TNIK: variants seen among roughly 807,000 people sequenced by gnomAD.
The protein encoded by TNIK is TRAF2 and NCK-interacting protein kinase.
A neutral mutation model predicts 191.3 loss-of-function variants in TNIK; 49 were observed. The observed-to-expected ratio is 0.26, with a 90% confidence interval of 0.20 to 0.32. The LOEUF is 0.32. TNIK is among the 10% of genes least tolerant of loss of function. The pLI, the probability that TNIK is intolerant of heterozygous loss-of-function variation, is 1.00. For missense variants in TNIK, 1,155 were observed against 1,702.3 expected (o/e 0.68, Z 5.66); for synonymous variants, 594 against 600.9 (o/e 0.99, Z 0.17).
intron 2 of TNIK, among the ~76,000 whole-genome samples, chr3:171,324,826 C>T (rs1344717912): frequency 6.6e-6 from 1 of 152,050 alleles, no homozygotes. Context: ...GGGCCGGGCG[C>T]GGTGGCTCAC....
intron 1 of TNIK, among the ~76,000 whole-genome samples, chr3:171,418,572 TG>T (rs1723369075): frequency 6.6e-6 from 1 of 152,032 alleles, no homozygotes; most frequent in South Asian, 2.1e-4. Context: ...ACAATCTAAA[TG>T]AAAAAAGTCA....
intron 3 of TNIK, among the ~76,000 whole-genome samples, chr3:171,219,799 G>A (rs1412679971): frequency 6.6e-6 from 1 of 152,168 alleles, no homozygotes; most frequent in Non-Finnish European, 1.5e-5. Context: ...TGGTGGGAGT[G>A]TAAATTAGTT....
At chr3:171,152,137 T>C (rs1732512305) in intron 12 of TNIK, among the ~76,000 whole-genome samples, 3 of 151,902 alleles carry the variant, frequency 2.0e-5, no homozygotes, top group African/African-American at 4.8e-5. Flanking sequence ...AAAGACTAGC[T>C]GGGCGTGGTG....
intron 2 of TNIK, among the ~76,000 whole-genome samples, chr3:171,284,363 C>T (rs192671921): frequency 1.6e-4 from 24 of 152,264 alleles, no homozygotes; most frequent in Admixed American, 6.5e-5. Context: ...TGAAAAATGT[C>T]CTCTCACATG....
At chr3:171,381,591 T>C (rs1472079170) in intron 1 of TNIK, among the ~76,000 whole-genome samples, 1 of 152,204 alleles carries the variant, frequency 6.6e-6, no homozygotes, top group African/African-American at 2.4e-5. Context: ...CCACCCAATA[T>C]TCATTCTCCC....
chr3:171,187,853 C>G (rs1737555007), intron 7 of TNIK, among the ~76,000 whole-genome samples: 1 of 152,098 alleles, frequency 6.6e-6, no homozygotes, highest in African/African-American at 2.4e-5. Flanking sequence ...CAAGTTTTGC[C>G]CAAGTTGTCC....
intron 1 of TNIK, among the ~76,000 whole-genome samples, chr3:171,410,899 T>C (rs1722319093): frequency 6.6e-6 from 1 of 150,560 alleles, no homozygotes; most frequent in Non-Finnish European, 1.5e-5. Context: ...GAAGGAGGTA[T>C]AGACCCCACT....
rs544798722 is a variant in TNIK at position 171,432,732 on chromosome 3, C to T, written c.57+27275G>A. On this transcript the variant is annotated intron_variant, in intron 1 of 32. Transcript: ENST00000436636. ...AAACATTTTAAGCAATGTGAAGCCT[C>T]ATAAAACACTGCACGTGTATAACAT... Among the ~76,000 whole-genome samples the T allele has an allele frequency of 1.5e-4, 23 of 152,256 alleles. No homozygotes were observed. In the East Asian group the frequency reaches 4.0e-3, roughly 27 times the overall value.
At chr3:171,225,324 CAAA>C (rs1742840574) in intron 3 of TNIK, among the ~76,000 whole-genome samples, 1 of 152,142 alleles carries the variant, frequency 6.6e-6, no homozygotes, top group South Asian at 2.1e-4. Context: ...TCAGACACCA[CAAA>C]AATAAGAAAA....
chr3:171,105,327 T>TGGCAGCAGCACCCCTCTGCTCTATC (rs1419412784), intron 21 of TNIK, among the ~76,000 whole-genome samples: 1 of 152,260 alleles, frequency 6.6e-6, no homozygotes, highest in Admixed American at 6.5e-5. Context: ...ACGGGATGTT[T>TGGCAGCAGCACCCCTCTGCTCTATC]GGCAGCAGCA....
chr3:171,236,939 G>A (rs1214528754), intron 2 of TNIK, among the ~76,000 whole-genome samples: 4 of 152,102 alleles, frequency 2.6e-5, no homozygotes, highest in Non-Finnish European at 4.4e-5. Context: ...TGGGGGTTGG[G>A]GGAAATAGAT....
At chr3:171,082,524 C>T in intron 26 of TNIK, 130 bp from the exon 27 acceptor site, 3 of 993,016 alleles carry the variant, frequency 3.0e-6, no homozygotes, top group Non-Finnish European at 4.3e-6. Context: ...TAAATATAAA[C>T]TAATGAATGT....
chr3:171,088,544 A>G (rs550852385), intron 23 of TNIK, among the ~76,000 whole-genome samples: 1 of 152,342 alleles, frequency 6.6e-6, no homozygotes, highest in Admixed American at 6.5e-5. Flanking sequence ...AAGGTATTTT[A>G]TAATGTATAT....
chr3:171,244,492 C>T (rs1055517388), intron 2 of TNIK, among the ~76,000 whole-genome samples: 1 of 152,100 alleles, frequency 6.6e-6, no homozygotes, highest in Non-Finnish European at 1.5e-5. Flanking sequence ...GAAAAAACCA[C>T]TTTTCTCAAA....
In TNIK at chr3:171,416,168, GAGA is replaced by G. The variant is rs1049459113; in HGVS notation, c.57+43836_57+43838del. On this transcript the variant is annotated intron_variant, in intron 1 of 32. Transcript: ENST00000436636. ...GATAAATGTCCTAGGCTATCTTTTT[GAGA>G]AGAAGGTCCAAGTTATTTCCTGGAT... Among the ~76,000 whole-genome samples, 203 of 152,000 alleles carry G rather than the reference GAGA, an allele frequency of 1.3e-3. 2 individuals carry two copies. The highest frequency in any genetic ancestry group is 4.8e-3 in the African/African-American group (199 of 41,444).
chr3:171,388,728 C>T (rs1317289088), intron 1 of TNIK, among the ~76,000 whole-genome samples: 2 of 152,220 alleles, frequency 1.3e-5, no homozygotes, highest in Non-Finnish European at 2.9e-5. Flanking sequence ...GCATCGTGTA[C>T]ACAAAGCCCT....
intron 2 of TNIK, among the ~76,000 whole-genome samples, chr3:171,228,987 G>T (rs1237237834): frequency 6.6e-6 from 1 of 152,078 alleles, no homozygotes; most frequent in Non-Finnish European, 1.5e-5. Flanking sequence ...TTTATATATA[G>T]CTTCCAAAAT....
chr3:171,079,114 T>C (rs1032814211), intron 28 of TNIK, among the ~76,000 whole-genome samples: 5 of 152,206 alleles, frequency 3.3e-5, no homozygotes, highest in Non-Finnish European at 7.3e-5. Flanking sequence ...TTTTGATCAT[T>C]TTCCTCACTG....
At position 171,059,394 on chromosome 3, in the gene TNIK, G is replaced by A. The variant is rs56263102; in HGVS notation, c.*4487C>T. Among the ~76,000 whole-genome samples the A allele has an allele frequency of 1.4e-3, 213 of 152,190 alleles. No homozygotes were observed. The highest frequency in any genetic ancestry group is 2.1e-3 in the Non-Finnish European group (144 of 67,994). ...ACTTCCTGGAATGGCAGGTCTAGAAGAATAAAGTCCAAAGCACAGGGTTAT... is the reference window on the plus strand; with the variant it reads ...ACTTCCTGGAATGGCAGGTCTAGAAAAATAAAGTCCAAAGCACAGGGTTAT... On this transcript the variant is annotated 3_prime_UTR_variant, in exon 33 of 33. Transcript: ENST00000436636.
Sources: allele counts gnomAD v4.1 joint callset (sites outside exome capture counted in the v4.1 genomes callset), GRCh38; gene constraint gnomAD v4.1.1; transcripts MANE v1.5; gene names NCBI Gene and HGNC (gene_info 2026-07-23, HGNC 2026-07-21).